The following ATXN7L1 variants were observed in gnomAD, a reference collection of about 807,000 sequenced individuals.
The protein encoded by ATXN7L1 is ataxin-7-like protein 1.
Under a neutral mutation model 70.8 loss-of-function variants are expected in ATXN7L1, and 15 were observed. The observed-to-expected ratio is 0.21, with a 90% CI of 0.14 to 0.33. ATXN7L1 has a LOEUF of 0.33. Among genes scored for constraint, ATXN7L1 ranks in the 10% least tolerant of loss-of-function variants. The pLI, the probability that ATXN7L1 is intolerant of heterozygous loss-of-function variation, is 1.00. For missense variants in ATXN7L1, 975 were observed against 1,097.1 expected (o/e 0.89, Z 1.57); for synonymous variants, 440 against 445.1 (o/e 0.99, Z 0.14).
At chr7:105,827,641 A>G (rs1811063549) in intron 2 of ATXN7L1, among the ~76,000 whole-genome samples, 1 of 152,206 alleles carries the variant, frequency 6.6e-6, no homozygotes, top group Non-Finnish European at 1.5e-5. Context: ...GTGAGTAAGC[A>G]TGGATTTGGT....
chr7:105,666,448 C>T (rs1020527734), intron 3 of ATXN7L1, among the ~76,000 whole-genome samples: 2 of 152,200 alleles, frequency 1.3e-5, no homozygotes, highest in African/African-American at 4.8e-5. Flanking sequence ...TGAGCCTAGG[C>T]TTCTCTCATT....
At chr7:105,619,140 G>GTTTGTTTTTT (rs1794380215) in intron 9 of ATXN7L1, among the ~76,000 whole-genome samples, 1 of 49,846 alleles carries the variant, frequency 2.0e-5, no homozygotes, top group Non-Finnish European at 3.3e-5. Flanking sequence ...GAAATCTTTA[G>GTTTGTTTTTT]TTTTTTTTTT....
chr7:105,785,367 G>A (rs547969872), intron 3 of ATXN7L1, among the ~76,000 whole-genome samples: 1 of 152,340 alleles, frequency 6.6e-6, no homozygotes, highest in Non-Finnish European at 1.5e-5. Flanking sequence ...TCTGGAGGCT[G>A]AGGCCGGAGA....
intron 3 of ATXN7L1, among the ~76,000 whole-genome samples, chr7:105,712,509 C>G (rs1262673578): frequency 6.6e-6 from 1 of 152,170 alleles, no homozygotes; most frequent in Admixed American, 6.5e-5. Context: ...TTAGAAACAA[C>G]CAGGTCACAT....
chr7:105,607,874 C>G lies in ATXN7L1; in HGVS notation c.2564G>C (p.Gly855Ala), dbSNP rs890694730. The change falls in exon 12 of 12, where the codon GGC (glycine) becomes GCC (alanine). Residue 855 changes from glycine to alanine, a missense_variant. Coordinates refer to ENST00000419735, the MANE Select transcript of ATXN7L1 (RefSeq NM_020725.2). ...TTGTTATGGAAGAGTCCTTATCCTG[C>G]CCGTTCTGTTTGTGTTCTTCTAGGA... is the stretch of plus-strand genomic sequence containing the variant. ...GHSRQNTNRT[G>A]RIRTLP 3 of 1,551,860 alleles carry G rather than the reference C, an allele frequency of 1.9e-6. No individual in the cohort carries two copies. In the African/African-American group the frequency reaches 4.1e-5, roughly 21 times the overall value.
At chr7:105,838,085 G>A (rs1014917548) in intron 2 of ATXN7L1, among the ~76,000 whole-genome samples, 3 of 152,170 alleles carry the variant, frequency 2.0e-5, no homozygotes, top group Non-Finnish European at 2.9e-5. Flanking sequence ...TGGCTGTGTA[G>A]ACAATAAAGC....
intron 3 of ATXN7L1, among the ~76,000 whole-genome samples, chr7:105,675,403 A>G (rs528160639): frequency 1.3e-5 from 2 of 152,276 alleles, no homozygotes; most frequent in African/African-American, 4.8e-5. Context: ...TGGGTGGATC[A>G]CTTGAGGTCA....
chr7:105,725,820 A>G (rs1795741377), intron 3 of ATXN7L1, among the ~76,000 whole-genome samples: 1 of 151,634 alleles, frequency 6.6e-6, no homozygotes, highest in African/African-American at 2.4e-5. Context: ...ACCTCAGGAG[A>G]TCCGCCCGCC....
At position 105,605,042 on chromosome 7, in the gene ATXN7L1, CTTTTTTTTTT is replaced by C. The variant is rs895554854; in HGVS notation, c.*2800_*2809del. The C allele has an allele frequency of 7.0e-5, 5 of 71,560 alleles. No individual in the cohort carries two copies. The highest frequency in any genetic ancestry group is 4.2e-4 in the Admixed American group (2 of 4,780). 4.4% of individuals were successfully genotyped at this position (71,560 alleles called of 1,614,324 possible). A position where few individuals can be genotyped will look rare whatever the true frequency, so the allele number is the denominator to read the frequency against. ...GAAGGCATACAAGTTATCCAAGTCG[CTTTTTTTTTT>C]TTTTTTTTTTTTTTATGGCTGACAG... On this transcript the variant is annotated 3_prime_UTR_variant, in exon 12 of 12. Coordinates refer to ENST00000419735, the MANE Select transcript of ATXN7L1 (RefSeq NM_020725.2).
chr7:105,759,537 G>A (rs985424525), intron 3 of ATXN7L1, among the ~76,000 whole-genome samples: 10 of 151,736 alleles, frequency 6.6e-5, no homozygotes, highest in African/African-American at 2.4e-4. Context: ...GTGGTGGCAG[G>A]AAGTGGGGTG....
intron 2 of ATXN7L1, among the ~76,000 whole-genome samples, chr7:105,798,144 T>C (rs1286314203): frequency 6.6e-6 from 1 of 152,234 alleles, no homozygotes; most frequent in Admixed American, 6.5e-5. Flanking sequence ...TAAGGGAATC[T>C]AAGGCATGAT....
chr7:105,774,009 C>G (rs969399718), intron 3 of ATXN7L1, among the ~76,000 whole-genome samples: 1 of 152,194 alleles, frequency 6.6e-6, no homozygotes, highest in Non-Finnish European at 1.5e-5. Context: ...GGGGTACACC[C>G]TCTTCCTCTG....
At chr7:105,858,160 G>A (rs1318857997) in intron 2 of ATXN7L1, among the ~76,000 whole-genome samples, 3 of 152,176 alleles carry the variant, frequency 2.0e-5, no homozygotes, top group Non-Finnish European at 4.4e-5. Flanking sequence ...GAATCAAGGA[G>A]GTCAAGGCTG....
intron 3 of ATXN7L1, among the ~76,000 whole-genome samples, chr7:105,759,449 AGTGTGTGTGT>A (rs34887279): frequency 1.7e-5 from 1 of 60,460 alleles, no homozygotes; most frequent in African/African-American, 7.8e-5. Flanking sequence ...TTGGATAGTG[AGTGTGTGTGT>A]GTGTGTGTGT....
intron 7 of ATXN7L1, 35 bp downstream of exon 7, chr7:105,638,318 G>T (rs924631591): frequency 6.5e-7 from 1 of 1,530,250 alleles, no homozygotes; most frequent in Non-Finnish European, 8.8e-7. Context: ...ACTTGACCAA[G>T]CATTCAGGGC....
intron 3 of ATXN7L1, among the ~76,000 whole-genome samples, chr7:105,772,413 C>T (rs1213882597): frequency 6.6e-6 from 1 of 152,016 alleles, no homozygotes; most frequent in African/African-American, 2.4e-5. Context: ...TACTGCTTTA[C>T]AAGAGAGACA....
intron 2 of ATXN7L1, among the ~76,000 whole-genome samples, chr7:105,829,303 C>T (rs539220987): frequency 3.7e-4 from 57 of 152,110 alleles, no homozygotes; most frequent in Admixed American, 5.2e-4. Flanking sequence ...ATTAGCTGGG[C>T]GTGGCGGCGT....
chr7:105,834,199 C>T (rs192210873), intron 2 of ATXN7L1, among the ~76,000 whole-genome samples: 29 of 152,282 alleles, frequency 1.9e-4, no homozygotes, highest in African/African-American at 4.8e-4. Context: ...TGTGCCACCA[C>T]GCCTGGCTAA....
At chr7:105,756,644 T>A (rs1389701771) in intron 3 of ATXN7L1, among the ~76,000 whole-genome samples, 1 of 152,210 alleles carries the variant, frequency 6.6e-6, no homozygotes, top group African/African-American at 2.4e-5. Flanking sequence ...AAATCACAGA[T>A]GAAAGGAAGA....
Sources: allele counts gnomAD v4.1 joint callset (sites outside exome capture counted in the v4.1 genomes callset), GRCh38; gene constraint gnomAD v4.1.1; transcripts MANE v1.5; gene names NCBI Gene and HGNC (gene_info 2026-07-23, HGNC 2026-07-21).